DLGAP2: variants seen among roughly 807,000 people sequenced by gnomAD.
DLGAP2 encodes DLG associated protein 2.
Under a neutral mutation model 100.3 loss-of-function variants are expected in DLGAP2, and 26 were observed. The ratio of observed to expected loss-of-function variants is 0.26; its 90% CI spans 0.19 to 0.36. DLGAP2 has a LOEUF of 0.36. Ranked by LOEUF, DLGAP2 falls within the 10% of genes least tolerant of loss-of-function variation. The pLI is 1.00. For missense variants in DLGAP2, 1,858 were observed against 1,453.2 expected (o/e 1.28, Z -4.53); for synonymous variants, 886 against 630.1 (o/e 1.41, Z -6.08).
chr8:1,282,415 C>T (rs1173426193), intron 3 of DLGAP2, among the ~76,000 whole-genome samples: 5 of 135,560 alleles, frequency 3.7e-5, no homozygotes, highest in Middle Eastern at 4.8e-3. Context: ...CTGAACCCAG[C>T]GCCCTGAACC....
chr8:944,772 G>T (rs1352472889), intron 2 of DLGAP2, among the ~76,000 whole-genome samples: 1 of 151,786 alleles, frequency 6.6e-6, no homozygotes, highest in African/African-American at 2.4e-5. Flanking sequence ...ACTGATCCAT[G>T]TGGGTGATCC....
chr8:1,384,848 G>A (rs1465989581), intron 3 of DLGAP2, among the ~76,000 whole-genome samples: 20 of 18,318 alleles, frequency 1.1e-3, no homozygotes, highest in African/African-American at 3.4e-3. Context: ...GCCTATGCCC[G>A]TCCCCTGAGA....
intron 1 of DLGAP2, among the ~76,000 whole-genome samples, chr8:873,388 C>T (rs575425309): frequency 2.6e-5 from 4 of 152,308 alleles, no homozygotes; most frequent in Non-Finnish European, 5.9e-5. Context: ...TGAGAACCAA[C>T]ATCCTTGTCT....
intron 5 of DLGAP2, among the ~76,000 whole-genome samples, chr8:1,552,610 C>G (rs781016720): frequency 4.6e-5 from 7 of 152,162 alleles, no homozygotes; most frequent in Non-Finnish European, 7.3e-5. Flanking sequence ...CCTCACAACC[C>G]CAGATTTTAT....
At chr8:784,146 G>A (rs913747661) in intron 1 of DLGAP2, among the ~76,000 whole-genome samples, 20 of 152,076 alleles carry the variant, frequency 1.3e-4, no homozygotes, top group African/African-American at 2.7e-4. Context: ...TTAGTGAATT[G>A]GGAAAAATCT....
chr8:1,071,558 T>A (rs760434143), intron 2 of DLGAP2, among the ~76,000 whole-genome samples: 5 of 152,234 alleles, frequency 3.3e-5, no homozygotes, highest in Non-Finnish European at 7.3e-5. Context: ...AAAACAGCGC[T>A]AGCCTGATTC....
chr8:1,183,029 C>T (rs1396792751), intron 2 of DLGAP2, among the ~76,000 whole-genome samples: 14 of 152,174 alleles, frequency 9.2e-5, no homozygotes, highest in South Asian at 2.1e-4. Context: ...GTGCGGGGAA[C>T]GTGAGATTTA....
At chr8:1,042,092 C>G (rs1235928303) in intron 2 of DLGAP2, among the ~76,000 whole-genome samples, 1 of 152,178 alleles carries the variant, frequency 6.6e-6, no homozygotes, top group African/African-American at 2.4e-5. Context: ...GACTGCAAAC[C>G]CCAACACAGA....
At chr8:1,413,628 T>C (rs901804022) in intron 3 of DLGAP2, among the ~76,000 whole-genome samples, 6 of 152,226 alleles carry the variant, frequency 3.9e-5, no homozygotes, top group Admixed American at 3.3e-4. Flanking sequence ...GATGGAGGAA[T>C]AATATGAAAG....
At chr8:1,693,070 A>C (rs1050144127) in intron 13 of DLGAP2, among the ~76,000 whole-genome samples, 4 of 148,042 alleles carry the variant, frequency 2.7e-5, no homozygotes, top group African/African-American at 9.8e-5. Flanking sequence ...TTTATATATA[A>C]ACATATATAT....
chr8:839,818 C>T (rs1445442160), intron 1 of DLGAP2, among the ~76,000 whole-genome samples: 2 of 152,242 alleles, frequency 1.3e-5, no homozygotes, highest in Non-Finnish European at 2.9e-5. Flanking sequence ...GATCTGTCTC[C>T]ACTGAGATGC....
intron 3 of DLGAP2, among the ~76,000 whole-genome samples, chr8:1,272,744 C>G (rs182137874): frequency 6.6e-6 from 1 of 152,122 alleles, no homozygotes; most frequent in Non-Finnish European, 1.5e-5. Flanking sequence ...CTGTAGGACT[C>G]GGACCACGGG....
At chr8:907,165 G>C (rs1050682789) in intron 1 of DLGAP2, among the ~76,000 whole-genome samples, 3 of 152,214 alleles carry the variant, frequency 2.0e-5, no homozygotes, top group Non-Finnish European at 2.9e-5. Flanking sequence ...GCAGAGACTT[G>C]TAGATGCTGT....
chr8:1,193,596 C>G (rs768907917), intron 2 of DLGAP2, among the ~76,000 whole-genome samples: 9 of 152,206 alleles, frequency 5.9e-5, no homozygotes, highest in Non-Finnish European at 1.3e-4. Flanking sequence ...TGTCCACACA[C>G]CACCCCATTA....
At chr8:1,108,808 T>G (rs1306443567) in intron 2 of DLGAP2, among the ~76,000 whole-genome samples, 6 of 108,612 alleles carry the variant, frequency 5.5e-5, no homozygotes, top group East Asian at 6.2e-4. Flanking sequence ...GGTGTGAATG[T>G]GTCTATGAGG....
At chr8:1,474,318 T>C (rs1266106659) in intron 3 of DLGAP2, among the ~76,000 whole-genome samples, 2 of 152,190 alleles carry the variant, frequency 1.3e-5, no homozygotes, top group Non-Finnish European at 2.9e-5. Context: ...GTTTTTGTGA[T>C]TGTGAATTGT....
chr8:1,312,116 T>G (rs772076820), intron 3 of DLGAP2, among the ~76,000 whole-genome samples: 2 of 152,186 alleles, frequency 1.3e-5, no homozygotes, highest in Non-Finnish European at 2.9e-5. Context: ...CTTCCCAAGC[T>G]CGCACAGAAC....
intron 2 of DLGAP2, among the ~76,000 whole-genome samples, chr8:1,022,809 C>T (rs1801667667): frequency 6.6e-6 from 1 of 152,028 alleles, no homozygotes; most frequent in Admixed American, 6.6e-5. Flanking sequence ...CGCCACCCAT[C>T]CCCCCCGGGA....
At chr8:769,742 G>A (rs1299198406) in intron 1 of DLGAP2, among the ~76,000 whole-genome samples, 2 of 152,110 alleles carry the variant, frequency 1.3e-5, no homozygotes, top group Admixed American at 6.5e-5. Flanking sequence ...CTAGGGACAC[G>A]AGCCTCTTGC....
Sources: gnomAD v4.1 joint callset for allele counts (sites outside exome capture counted in the v4.1 genomes callset) on GRCh38, gnomAD v4.1.1 for gene constraint, MANE v1.5 for transcripts, NCBI Gene and HGNC (gene_info 2026-07-23, HGNC 2026-07-21) for gene names.